Variants in DNM3 observed in about 807,000 individuals in gnomAD.
DNM3 encodes the protein dynamin 3.
DNM3 carries 47 observed loss-of-function variants against 101.6 expected under a neutral mutation model. The observed-to-expected ratio is 0.46, with a 90% CI of 0.37 to 0.59. DNM3 has a LOEUF of 0.59. DNM3 is among the 20% of genes least tolerant of loss of function. The pLI, the probability that DNM3 is intolerant of heterozygous loss-of-function variation, is 0.00. For missense variants in DNM3, 849 were observed against 1,085.7 expected (o/e 0.78, Z 3.06); for synonymous variants, 385 against 387.9 (o/e 0.99, Z 0.09).
At position 172,384,187 on chromosome 1, in the gene DNM3, CAGA is replaced by C. The variant is rs1442304688; in HGVS notation, c.2059-2943_2059-2941del. On this transcript the variant is annotated intron_variant, in intron 18 of 20. Coordinates refer to ENST00000627582, the MANE Select transcript of DNM3 (RefSeq NM_015569.5). ...TTTTAGTGTCACAAAGCTAGGTTAGCAGAAGGAGAGAAGAGTATCTCTAAAATT... is the reference window on the plus strand; with the variant it reads ...TTTTAGTGTCACAAAGCTAGGTTAGCAGGAGAGAAGAGTATCTCTAAAATT... Among the ~76,000 whole-genome samples, 5 of 152,094 alleles carry C rather than the reference CAGA, an allele frequency of 3.3e-5. No individual in the cohort carries two copies. In the South Asian group the frequency reaches 8.3e-4, roughly 25 times the overall value.
intron 9 of DNM3, among the ~76,000 whole-genome samples, chr1:172,046,197 C>T (rs919157391): frequency 1.3e-5 from 2 of 152,056 alleles, no homozygotes; most frequent in African/African-American, 2.4e-5. Context: ...AAATGTGGCA[C>T]ATATACACCA....
intron 10 of DNM3, among the ~76,000 whole-genome samples, chr1:172,056,009 G>A (rs2050579751): frequency 6.6e-6 from 1 of 152,200 alleles, no homozygotes; most frequent in Admixed American, 6.5e-5. Context: ...CCGAAGCAGG[G>A]TGAAGCATTG....
At chr1:172,353,860 C>T (rs942433815) in intron 17 of DNM3, among the ~76,000 whole-genome samples, 2 of 152,024 alleles carry the variant, frequency 1.3e-5, no homozygotes, top group African/African-American at 4.8e-5. Flanking sequence ...ATTTATATGA[C>T]TAGTGTACAG....
At chr1:172,238,377 C>T (rs1372547880) in intron 14 of DNM3, among the ~76,000 whole-genome samples, 1 of 152,114 alleles carries the variant, frequency 6.6e-6, no homozygotes, top group African/African-American at 2.4e-5. Context: ...CCAAGAACCT[C>T]ACCCCTACTA....
At chr1:172,364,958 A>G (rs1172107881) in intron 17 of DNM3, among the ~76,000 whole-genome samples, 1 of 151,902 alleles carries the variant, frequency 6.6e-6, no homozygotes, top group Non-Finnish European at 1.5e-5. Context: ...CTTTCTGTAC[A>G]GCCTGCAGAG....
chr1:172,178,073 G>C (rs1327783143), intron 14 of DNM3, among the ~76,000 whole-genome samples: 1 of 151,900 alleles, frequency 6.6e-6, no homozygotes, highest in Non-Finnish European at 1.5e-5. Flanking sequence ...TTACAAACCT[G>C]TAAAGCCTGT....
chr1:171,853,398 C>T (rs971458873), intron 1 of DNM3, among the ~76,000 whole-genome samples: 3 of 152,086 alleles, frequency 2.0e-5, no homozygotes, highest in African/African-American at 7.2e-5. Flanking sequence ...AACTCCTGGG[C>T]TCAAGTATTT....
At chr1:172,317,845 T>C (rs1436528601) in intron 16 of DNM3, among the ~76,000 whole-genome samples, 5 of 152,180 alleles carry the variant, frequency 3.3e-5, no homozygotes, top group African/African-American at 1.2e-4. Context: ...TCTGAAACTA[T>C]TCCAATCAAT....
At chr1:171,872,357 G>A (rs1006920758) in intron 1 of DNM3, among the ~76,000 whole-genome samples, 18 of 151,356 alleles carry the variant, frequency 1.2e-4, no homozygotes, top group Admixed American at 2.6e-4. Context: ...CCTTTTTGCA[G>A]TTCTCCATCA....
chr1:172,119,461 T>C (rs190515284), intron 13 of DNM3, among the ~76,000 whole-genome samples: 163 of 152,298 alleles, frequency 1.1e-3, no homozygotes, highest in African/African-American at 2.7e-3. Context: ...TCATTCATTT[T>C]TGTAGTATTC....
chr1:172,132,809 T>C (rs2057010771), intron 14 of DNM3: 2 of 707,068 alleles, frequency 2.8e-6, no homozygotes, highest in South Asian at 3.1e-5. Flanking sequence ...ACTATCCCTA[T>C]TGTTGATGAG....
chr1:172,227,322 A>G (rs2061171011), intron 14 of DNM3, among the ~76,000 whole-genome samples: 2 of 118,280 alleles, frequency 1.7e-5, no homozygotes, highest in Admixed American at 1.9e-4. Context: ...TTCTTTATCC[A>G]CTCGTCAGAT....
chr1:172,176,715 G>A (rs1306266582), intron 14 of DNM3, among the ~76,000 whole-genome samples: 1 of 151,842 alleles, frequency 6.6e-6, no homozygotes, highest in East Asian at 1.9e-4. Context: ...TTGTTATGCA[G>A]CAAAAGATAA....
intron 14 of DNM3, among the ~76,000 whole-genome samples, chr1:172,194,483 A>AT (rs1246287681): frequency 6.6e-6 from 1 of 151,570 alleles, no homozygotes; most frequent in Non-Finnish European, 1.5e-5. Flanking sequence ...CCATTATTAT[A>AT]TGTGGGAGTC....
chr1:172,113,726 G>T (rs566427038), intron 13 of DNM3, among the ~76,000 whole-genome samples: 1 of 150,734 alleles, frequency 6.6e-6, no homozygotes. Context: ...AGTGCCCAAA[G>T]CGTTTACACA....
chr1:172,299,097 T>A (rs1251995723), intron 15 of DNM3, among the ~76,000 whole-genome samples: 2 of 152,130 alleles, frequency 1.3e-5, no homozygotes, highest in East Asian at 3.9e-4. Context: ...AGGAATTAAC[T>A]GTGCAAAGAG....
At chr1:171,849,903 T>C (rs545434328) in intron 1 of DNM3, among the ~76,000 whole-genome samples, 113 of 152,338 alleles carry the variant, frequency 7.4e-4, no homozygotes, top group Non-Finnish European at 1.3e-3. Context: ...TAATAACAGA[T>C]AATAGAATTA....
At chr1:172,082,297 A>C (rs1282668087) in intron 12 of DNM3, among the ~76,000 whole-genome samples, 2 of 151,156 alleles carry the variant, frequency 1.3e-5, no homozygotes, top group African/African-American at 4.9e-5. Flanking sequence ...AGATGTTTCA[A>C]CTTTTCTAAG....
At chr1:172,173,217 G>A (rs996230360) in intron 14 of DNM3, among the ~76,000 whole-genome samples, 1 of 151,708 alleles carries the variant, frequency 6.6e-6, no homozygotes, top group African/African-American at 2.4e-5. Flanking sequence ...AGCCAGGGAT[G>A]GAAGAGGGAT....
Sources: allele counts gnomAD v4.1 joint callset (sites outside exome capture counted in the v4.1 genomes callset), GRCh38; gene constraint gnomAD v4.1.1; transcripts MANE v1.5; gene names NCBI Gene and HGNC (gene_info 2026-07-23, HGNC 2026-07-21).